The following KRIT1 variants were observed in gnomAD, a reference collection of about 807,000 sequenced individuals.
The protein encoded by KRIT1 is KRIT1 ankyrin repeat containing.
Under a neutral mutation model 95.8 loss-of-function variants are expected in KRIT1, and 45 were observed. That is an observed-to-expected ratio of 0.47 (90% CI 0.37 to 0.60). The LOEUF is 0.60. KRIT1 is among the 20% of genes least tolerant of loss of function. KRIT1 has a pLI of 0.00. For synonymous variants in KRIT1, 282 were observed against 278.8 expected (o/e 1.01, Z -0.11); for missense variants, 788 against 877.5 (o/e 0.90, Z 1.29).
chr7:92,214,844 T>C lies in KRIT1; in HGVS notation c.1564-67A>G, dbSNP rs191349155. ...CTTTTTACAAATGAACAACTTAATA[T>C]GGGAAAAGCAAAAGCTACATATTTG... On this transcript the variant is annotated intron_variant, in intron 14 of 18. Coordinates refer to ENST00000394505, the MANE Select transcript of KRIT1 (RefSeq NM_194454.3). The C allele has an allele frequency of 2.9e-4, 311 of 1,090,816 alleles. 2 individuals carry two copies. The highest frequency in any genetic ancestry group is 6.7e-5 in the Non-Finnish European group (48 of 716,198). The allele number at this position is 1,090,816 out of a possible 1,614,324, so 67.6% of individuals were successfully genotyped here.
In KRIT1 at chr7:92,244,037, G is replaced by T. The variant is rs1191112264; in HGVS notation, c.-38C>A. 4 of 152,036 alleles carry T rather than the reference G, an allele frequency of 2.6e-5. No individual in the cohort carries two copies. The highest frequency in any genetic ancestry group is 2.9e-5 in the Non-Finnish European group (2 of 67,994). The allele number at this position is 152,036 out of a possible 1,614,324, so 9.4% of individuals were successfully genotyped here. A position where few individuals can be genotyped will look rare whatever the true frequency, so the allele number is the denominator to read the frequency against. Reference sequence around the variant, plus strand: ...AGACCTTCCTACATCATGTGAAAAGGATGAGGCCTTTTTCTTCTCAGAATT... The same window carrying T: ...AGACCTTCCTACATCATGTGAAAAGTATGAGGCCTTTTTCTTCTCAGAATT... On this transcript the variant is annotated 5_prime_UTR_variant, in exon 3 of 19. Transcript: ENST00000394505.
At chr7:92,226,082 A>T (rs541229624) in intron 11 of KRIT1, among the ~76,000 whole-genome samples, 3 of 152,210 alleles carry the variant, frequency 2.0e-5, no homozygotes, top group Non-Finnish European at 4.4e-5. Flanking sequence ...TTTTAATACT[A>T]TTATTTTCCT....
intron 17 of KRIT1, among the ~76,000 whole-genome samples, chr7:92,211,766 T>C (rs1216113401): frequency 6.6e-6 from 1 of 152,172 alleles, no homozygotes; most frequent in Non-Finnish European, 1.5e-5. Flanking sequence ...ATATGACATG[T>C]ACCTCATAAA....
chr7:92,214,549 C>T (rs1274000554), intron 15 of KRIT1, 62 bp downstream of exon 15: 19 of 1,264,638 alleles, frequency 1.5e-5, no homozygotes, highest in Non-Finnish European at 2.1e-5. Context: ...CATTTTTAAA[C>T]TTTCTTGGTT....
chr7:92,236,098 G>T, intron 7 of KRIT1: 1 of 271,846 alleles, frequency 3.7e-6, no homozygotes, highest in Non-Finnish European at 7.0e-6. Context: ...AAAGGCATAA[G>T]AGGTTGAATG....
chr7:92,214,042 C>G, intron 15 of KRIT1, 63 bp from the exon 16 acceptor site: 1 of 989,792 alleles, frequency 1.0e-6, no homozygotes, highest in Non-Finnish European at 1.6e-6. Context: ...GTATAGTAAT[C>G]ATTCTGTTAC....
intron 18 of KRIT1, 47 bp from the exon 19 acceptor site, chr7:92,200,851 C>A (rs1424229283): frequency 2.3e-6 from 3 of 1,301,364 alleles, no homozygotes; most frequent in African/African-American, 1.5e-5. Flanking sequence ...ATGTAAGAAT[C>A]TTTAAAGGAC....
At chr7:92,233,338 T>C (rs1219769170) in intron 10 of KRIT1, among the ~76,000 whole-genome samples, 2 of 151,882 alleles carry the variant, frequency 1.3e-5, no homozygotes, top group Non-Finnish European at 2.9e-5. Context: ...AGAGGTAAAG[T>C]GAATTACCTT....
chr7:92,199,552 ACAAAG>A lies in KRIT1; in HGVS notation c.*1179_*1183del, dbSNP rs1410945453. On this transcript the variant is annotated 3_prime_UTR_variant, in exon 19 of 19. Transcript: ENST00000394505. ...TAAGATATCTGGTGATTTACTTCCTACAAAGCAAAGTCAATATACATAAACTATTA... is the reference window on the plus strand; with the variant it reads ...TAAGATATCTGGTGATTTACTTCCTACAAAGTCAATATACATAAACTATTA... The A allele has an allele frequency of 6.6e-6, 1 of 152,196 alleles. No homozygotes were observed. Among genetic ancestry groups the A allele is most frequent in the African/African-American group, 2.4e-5 (1 of 41,448 alleles). 9.4% of individuals were successfully genotyped at this position (152,196 alleles called of 1,614,324 possible).
In KRIT1 at chr7:92,213,212, G is replaced by A. The variant is rs1186485946; in HGVS notation, c.2008C>T (p.Leu670Phe). Reference protein sequence around the residue: ...VGVNIKGLHLLNMETKALLIS... With the variant: ...VGVNIKGLHLFNMETKALLIS... The stretch of plus-strand genomic sequence containing the variant: ...AAATCTACCTTAGTTTCCATGTTGA[G>A]GAGATGAAGTCCTTTTATATTCACT... Residue 670 changes from leucine to phenylalanine, a missense_variant, in exon 17 of 19, where the codon CTC becomes TTC. Leu to Phe is a conservative substitution (Grantham distance 22, BLOSUM62 0). Transcript: ENST00000394505. 1 of 1,609,778 alleles carries A rather than the reference G, an allele frequency of 6.2e-7. No individual in the cohort carries two copies. The highest frequency in any genetic ancestry group is 8.5e-7 in the Non-Finnish European group (1 of 1,176,416).
At chr7:92,207,491 C>G (rs1791822536) in intron 17 of KRIT1, among the ~76,000 whole-genome samples, 1 of 152,008 alleles carries the variant, frequency 6.6e-6, no homozygotes, top group African/African-American at 2.4e-5. Context: ...AATTCAACAC[C>G]CCACTCTCAA....
chr7:92,242,466 C>T (rs1449360503), intron 3 of KRIT1, among the ~76,000 whole-genome samples: 1 of 150,308 alleles, frequency 6.7e-6, no homozygotes, highest in African/African-American at 2.4e-5. Flanking sequence ...CCTTTGGGGC[C>T]AAAAAAAAGT....
intron 17 of KRIT1, among the ~76,000 whole-genome samples, chr7:92,204,959 C>T (rs1791073633): frequency 6.6e-6 from 1 of 152,176 alleles, no homozygotes; most frequent in African/African-American, 2.4e-5. Flanking sequence ...ATCAAAGTAA[C>T]TGTTGCCCTT....
At chr7:92,216,569 T>G (rs1307100749) in intron 14 of KRIT1, among the ~76,000 whole-genome samples, 2 of 152,102 alleles carry the variant, frequency 1.3e-5, no homozygotes, top group Non-Finnish European at 2.9e-5. Context: ...GAAATGTTAT[T>G]GTGGTAGGTA....
intron 17 of KRIT1, among the ~76,000 whole-genome samples, chr7:92,207,799 C>A (rs951319253): frequency 2.0e-5 from 3 of 152,134 alleles, no homozygotes; most frequent in African/African-American, 7.2e-5. Flanking sequence ...AGAGGTTTTA[C>A]AGTGAGCTGA....
chr7:92,232,006 A>C (rs997502690), intron 10 of KRIT1, among the ~76,000 whole-genome samples: 1 of 152,270 alleles, frequency 6.6e-6, no homozygotes, highest in Middle Eastern at 3.4e-3. Flanking sequence ...ATCTCAGTAC[A>C]CTGCAACCTC....
chr7:92,221,394 G>A (rs1379514447), intron 14 of KRIT1, among the ~76,000 whole-genome samples: 1 of 151,958 alleles, frequency 6.6e-6, no homozygotes, highest in African/African-American at 2.4e-5. Flanking sequence ...AGCCGAGATT[G>A]TGCCACTCCA....
At chr7:92,232,138 G>A (rs1035769270) in intron 10 of KRIT1, among the ~76,000 whole-genome samples, 2 of 152,102 alleles carry the variant, frequency 1.3e-5, no homozygotes, top group African/African-American at 4.8e-5. Flanking sequence ...CACCAGGGCA[G>A]GCTGGTCTCA....
intron 4 of KRIT1, 24 bp downstream of exon 4, chr7:92,242,010 T>A (rs1202354671): frequency 1.8e-6 from 2 of 1,126,470 alleles, no homozygotes. Context: ...ATGGTAGAAA[T>A]AAATTATTAT....
Sources: gnomAD v4.1 joint callset for allele counts (sites outside exome capture counted in the v4.1 genomes callset) on GRCh38, gnomAD v4.1.1 for gene constraint, MANE v1.5 for transcripts, NCBI Gene and HGNC (gene_info 2026-07-23, HGNC 2026-07-21) for gene names.